RUFY3: variants seen among roughly 807,000 people sequenced by gnomAD.
RUFY3 encodes RUN and FYVE domain containing 3, also known as protein RUFY3.
RUFY3 carries 34 observed loss-of-function variants against 84.0 expected under a neutral mutation model. The ratio of observed to expected loss-of-function variants is 0.40; its 90% CI spans 0.31 to 0.54. The LOEUF is 0.54. RUFY3 is among the 20% of genes least tolerant of loss of function. The probability of loss-of-function intolerance (pLI) is 0.39; values close to 1 mark genes in which losing one functional copy is unlikely to be tolerated. For synonymous variants in RUFY3, 242 were observed against 252.9 expected (o/e 0.96, Z 0.41); for missense variants, 507 against 736.8 (o/e 0.69, Z 3.61).
intron 1 of RUFY3, among the ~76,000 whole-genome samples, chr4:70,758,027 C>A (rs1724328503): frequency 6.6e-6 from 1 of 152,236 alleles, no homozygotes; most frequent in African/African-American, 2.4e-5. Flanking sequence ...ATAACAGAAT[C>A]TTTTTTTACT....
At chr4:70,775,499 TTAAA>T (rs202217816) in intron 7 of RUFY3, among the ~76,000 whole-genome samples, 2,044 of 151,922 alleles carry the variant, frequency 0.013, 21 homozygotes, top group Middle Eastern at 0.035. Flanking sequence ...ACTCTAGTGA[TTAAA>T]TAGATAAATA....
At chr4:70,735,075 A>G (rs1467516408) in intron 1 of RUFY3, among the ~76,000 whole-genome samples, 2 of 152,220 alleles carry the variant, frequency 1.3e-5, no homozygotes, top group Non-Finnish European at 2.9e-5. Flanking sequence ...CCACTCAGTG[A>G]TAGAGCTCAG....
rs558540990 is a variant in RUFY3 at position 70,758,334 on chromosome 4, C to G, written c.179-4185C>G. Among the ~76,000 whole-genome samples, 2 of 152,192 alleles carry G rather than the reference C, an allele frequency of 1.3e-5. 1 individual carries two copies. Among genetic ancestry groups the G allele is most frequent in the South Asian group, 4.1e-4 (2 of 4,828 alleles). ...ATGATTTAATATTCATTATTAGCAG[C>G]CAACATTATTTGTAGGCCAGGTGTA... On this transcript the variant is annotated intron_variant, in intron 1 of 17. Coordinates refer to ENST00000381006, the MANE Select transcript of RUFY3 (RefSeq NM_001037442.4).
At chr4:70,778,344 CT>C (rs754744653) in intron 7 of RUFY3, 24 bp from the exon 8 acceptor site, 84 of 1,383,324 alleles carry the variant, frequency 6.1e-5, no homozygotes, top group South Asian at 3.6e-4. Flanking sequence ...TCAAAAGTGA[CT>C]TTTTTTTCTT....
At chr4:70,785,674 CAAAAA>C (rs529555155) in intron 10 of RUFY3, among the ~76,000 whole-genome samples, 1 of 133,370 alleles carries the variant, frequency 7.5e-6, no homozygotes, top group Non-Finnish European at 1.6e-5. Context: ...ACTAAAAATA[CAAAAA>C]AAAAAAAATC....
At position 70,784,777 on chromosome 4, in the gene RUFY3, T is replaced by C; in HGVS notation, c.988-19T>C. The C allele has an allele frequency of 6.4e-7, 1 of 1,552,446 alleles. No homozygotes were observed. The highest frequency in any genetic ancestry group is 8.7e-7 in the Non-Finnish European group (1 of 1,144,452). On this transcript the variant is annotated intron_variant, in intron 9 of 17. Transcript: ENST00000381006. ...AGATTAAATCCTTAAATATGTACAA[T>C]GTTATTTATCTTTTCAAGGGTCCCA...
intron 1 of RUFY3, among the ~76,000 whole-genome samples, chr4:70,728,422 G>A (rs1025519872): frequency 2.0e-5 from 3 of 152,218 alleles, no homozygotes; most frequent in African/African-American, 4.8e-5. Flanking sequence ...AAAATTTGAA[G>A]TAGGGTTTCT....
upstream of RUFY3, chr4:70,704,402 CTCT>C (rs1740013618): frequency 6.6e-6 from 1 of 152,352 alleles, no homozygotes; most frequent in African/African-American, 2.4e-5. Flanking sequence ...TAGCTTTCGC[CTCT>C]TCTTCAACCC....
chr4:70,724,625 G>A (rs1005637913), intron 1 of RUFY3, among the ~76,000 whole-genome samples: 1 of 152,156 alleles, frequency 6.6e-6, no homozygotes, highest in Non-Finnish European at 1.5e-5. Flanking sequence ...GAGTTTCCAA[G>A]ACCTGTAATC....
chr4:70,806,468 T>TA lies in RUFY3; in HGVS notation c.1720-47dup, dbSNP rs1176886646. 8 of 1,608,362 alleles carry TA rather than the reference T, an allele frequency of 5.0e-6. No individual in the cohort carries two copies. In the Admixed American group the frequency reaches 5.0e-5, roughly 10 times the overall value. ...TGGCTTTTTATATCCCATGAATCCT[T>TA]ATGCCTTGCTCATCTTCTATTCCCC... On this transcript the variant is annotated intron_variant, in intron 17 of 17. Coordinates refer to ENST00000381006, the MANE Select transcript of RUFY3 (RefSeq NM_001037442.4).
Position 70,783,084 on chromosome 4 carries a change from T to C in RUFY3, c.895-7T>C. On this transcript the variant is annotated splice_polypyrimidine_tract_variant and splice_region_variant and intron_variant, in intron 8 of 17. Transcript: ENST00000381006. ...ATAAAAGATTATTTTTAAAATTTTA[T>C]CCACAGCTTGCAGTTGCAAACAACA... 6.4e-7 allele frequency: 1 copy of C among 1,563,512 alleles called. No individual in the cohort carries two copies. Among genetic ancestry groups the C allele is most frequent in the Non-Finnish European group, 8.7e-7 (1 of 1,146,354 alleles).
chr4:70,764,630 A>G lies in RUFY3; in HGVS notation c.572+54A>G, dbSNP rs192534120. 26 of 1,046,276 alleles carry G rather than the reference A, an allele frequency of 2.5e-5. No individual in the cohort carries two copies. The East Asian group carries it at 5.5e-4, about 22-fold the overall frequency. 64.8% of individuals were successfully genotyped at this position (1,046,276 alleles called of 1,614,324 possible). ...TTCCTTGGTATGTTCTACATCGTATAAAGTCAAACCATATAAGTTCACTAT... is the reference window on the plus strand; with the variant it reads ...TTCCTTGGTATGTTCTACATCGTATGAAGTCAAACCATATAAGTTCACTAT... On this transcript the variant is annotated intron_variant, in intron 4 of 17. Coordinates refer to ENST00000381006, the MANE Select transcript of RUFY3 (RefSeq NM_001037442.4).
chr4:70,741,742 C>A, intron 1 of RUFY3: 1 of 1,229,228 alleles, frequency 8.1e-7, no homozygotes, highest in Non-Finnish European at 1.1e-6. Context: ...TTCTAACCAC[C>A]TTTTAATTGT....
rs1042954535 is a variant in RUFY3 at position 70,800,216 on chromosome 4, A to G, written c.1622+11A>G. 6.9e-6 allele frequency: 11 copies of G among 1,593,826 alleles called. No individual in the cohort carries two copies. The highest frequency in any genetic ancestry group is 9.4e-6 in the Non-Finnish European group (11 of 1,172,370). ...GGAAGAAAGCCACAGGTGTTTGTTA[A>G]TCAAGTATTAACTAAGATGTAAAGT... On this transcript the variant is annotated intron_variant, in intron 15 of 17. Transcript: ENST00000381006.
chr4:70,781,137 T>C (rs1179636948), intron 8 of RUFY3, among the ~76,000 whole-genome samples: 2 of 150,618 alleles, frequency 1.3e-5, no homozygotes, highest in African/African-American at 4.9e-5. Flanking sequence ...TTTCCCCTCC[T>C]GGGTTTTGAA....
chr4:70,748,247 A>G (rs1316878836), intron 1 of RUFY3, among the ~76,000 whole-genome samples: 3 of 152,058 alleles, frequency 2.0e-5, no homozygotes, highest in African/African-American at 7.2e-5. Flanking sequence ...ATCTGACTCT[A>G]CCCTACCTGT....
chr4:70,761,966 G>A (rs1725107992), intron 1 of RUFY3, among the ~76,000 whole-genome samples: 1 of 152,142 alleles, frequency 6.6e-6, no homozygotes, highest in Non-Finnish European at 1.5e-5. Context: ...AGTACAGTAG[G>A]GAGTTATGAC....
chr4:70,776,493 G>A (rs1001136077), intron 7 of RUFY3, among the ~76,000 whole-genome samples: 3 of 152,166 alleles, frequency 2.0e-5, no homozygotes, highest in African/African-American at 7.2e-5. Flanking sequence ...AAATTAAAGA[G>A]GCCGGGAGCA....
chr4:70,732,818 T>C (rs964051775), intron 1 of RUFY3, among the ~76,000 whole-genome samples: 2 of 151,350 alleles, frequency 1.3e-5, no homozygotes, highest in African/African-American at 4.9e-5. Flanking sequence ...AAATGACGAG[T>C]TGATGGGTGC....
Sources: allele counts gnomAD v4.1 joint callset (sites outside exome capture counted in the v4.1 genomes callset), GRCh38; gene constraint gnomAD v4.1.1; transcripts MANE v1.5; gene names NCBI Gene and HGNC (gene_info 2026-07-23, HGNC 2026-07-21).